SUPT20H: variants seen among roughly 807,000 people sequenced by gnomAD.
The protein encoded by SUPT20H is transcription factor SPT20 homolog.
SUPT20H carries 82 observed loss-of-function variants against 122.8 expected under a neutral mutation model. That is an observed-to-expected ratio of 0.67 (90% CI 0.56 to 0.80). The LOEUF is 0.80. SUPT20H is among the 30% of genes least tolerant of loss of function. The probability of loss-of-function intolerance (pLI) is 0.00; values close to 1 mark genes in which losing one functional copy is unlikely to be tolerated. For synonymous variants in SUPT20H, 291 were observed against 313.0 expected (o/e 0.93, Z 0.74); for missense variants, 831 against 921.6 (o/e 0.90, Z 1.27).
chr13:37,014,883 C>A (rs1566114236), intron 23 of SUPT20H, among the ~76,000 whole-genome samples: 1 of 152,192 alleles, frequency 6.6e-6, no homozygotes, highest in Non-Finnish European at 1.5e-5. Flanking sequence ...AATTCTGACA[C>A]ACACACCAGT....
At chr13:37,012,122 A>C (rs1413329495) in intron 24 of SUPT20H, 70 bp downstream of exon 24, 1 of 1,211,886 alleles carries the variant, frequency 8.3e-7, no homozygotes, top group Non-Finnish European at 1.2e-6. Flanking sequence ...AAAATAATTT[A>C]AGCGGTGAGA....
At chr13:37,017,153 A>T in intron 23 of SUPT20H, 92 bp downstream of exon 23, 1 of 1,552,684 alleles carries the variant, frequency 6.4e-7, no homozygotes, top group Admixed American at 1.7e-5. Flanking sequence ...GGAAATGTTT[A>T]CACTAACAAA....
chr13:37,041,391 G>A (rs762279644), intron 7 of SUPT20H, among the ~76,000 whole-genome samples: 4 of 151,826 alleles, frequency 2.6e-5, no homozygotes, highest in East Asian at 1.9e-4. Flanking sequence ...GGTGGCGAGC[G>A]CCTGTAGTCC....
chr13:37,022,346 A>G lies in SUPT20H; in HGVS notation c.1592-266T>C. The G allele has an allele frequency of 7.4e-7, 1 of 1,352,132 alleles. No homozygotes were observed. Among genetic ancestry groups the G allele is most frequent in the South Asian group, 2.1e-5 (1 of 48,680 alleles). 83.8% of individuals were successfully genotyped at this position (1,352,132 alleles called of 1,614,324 possible). Reference sequence around the variant, plus strand: ...CTCATTGAGAAAAATAAAAATTGCTAGTTTGTTATAAATGGCCAGTCCTTT... The same window carrying G: ...CTCATTGAGAAAAATAAAAATTGCTGGTTTGTTATAAATGGCCAGTCCTTT... On this transcript the variant is annotated intron_variant, in intron 19 of 25. Coordinates refer to ENST00000350612, the MANE Select transcript of SUPT20H (RefSeq NM_001014286.3). The surrounding 1 kb of genome is among the most constrained non-coding windows in gnomAD (Gnocchi z 4.5).
chr13:37,045,113 A>G, intron 6 of SUPT20H, 134 bp downstream of exon 6: 1 of 1,130,938 alleles, frequency 8.8e-7, no homozygotes, highest in Non-Finnish European at 1.2e-6. Context: ...ACTGGGATCA[A>G]AATCTGTTTT....
rs753560341 is a variant in SUPT20H, at chr13:37,017,274, T to C, written c.1963A>G (p.Thr655Ala). 2 of 1,613,930 alleles carry C rather than the reference T, an allele frequency of 1.2e-6. No homozygotes were observed. Among genetic ancestry groups the C allele is most frequent in the African/African-American group, 2.7e-5 (2 of 74,898 alleles). The change falls in exon 23 of 26, where the codon ACT becomes GCT. Residue 655 changes from threonine to alanine, a missense_variant. Physicochemically the swap from Thr to Ala is moderately conservative, Grantham distance 58. Transcript: ENST00000350612. ...TCCCCTGGCTGTTGAGGACTACAAG[T>C]TGTGGGCTGCTGAGGTTGTTGTGGT... Reference protein sequence around the residue: ...FTPQQPQQPTTCSPQQPGEQG... With the variant: ...FTPQQPQQPTACSPQQPGEQG...
chr13:37,051,364 C>T, intron 2 of SUPT20H, 124 bp downstream of exon 2: 1 of 921,142 alleles, frequency 1.1e-6, no homozygotes, highest in South Asian at 2.0e-5. Flanking sequence ...AAGTAATTTC[C>T]CAGTTGGGAT....
intron 19 of SUPT20H, 93 bp downstream of exon 19, chr13:37,023,942 T>G (rs887662314): frequency 8.2e-6 from 11 of 1,349,690 alleles, no homozygotes; most frequent in Admixed American, 4.8e-5. Flanking sequence ...TACATTCAGA[T>G]ATCACTACTT....
intron 12 of SUPT20H, among the ~76,000 whole-genome samples, chr13:37,031,284 T>G (rs970099332): frequency 3.9e-5 from 6 of 152,102 alleles, no homozygotes; most frequent in African/African-American, 1.2e-4. Flanking sequence ...ACTGTATTTT[T>G]CCAATTTTAA....
intron 1 of SUPT20H, among the ~76,000 whole-genome samples, chr13:37,051,928 T>G (rs981025084): frequency 7.2e-5 from 11 of 152,228 alleles, no homozygotes; most frequent in African/African-American, 2.7e-4. Context: ...TTCCTTTGAA[T>G]TATTTTAATA....
chr13:37,057,772 G>A (rs187571814), intron 1 of SUPT20H, among the ~76,000 whole-genome samples: 162 of 152,126 alleles, frequency 1.1e-3, no homozygotes, highest in Non-Finnish European at 1.9e-3. Context: ...CCTGGAGTTC[G>A]AGACCAGCCT....
At position 37,045,310 on chromosome 13, in the gene SUPT20H, C is replaced by T. The variant is rs1478388073; in HGVS notation, c.229G>A (p.Val77Met). 3 of 1,613,748 alleles carry T rather than the reference C, an allele frequency of 1.9e-6. No homozygotes were observed. Among genetic ancestry groups the T allele is most frequent in the East Asian group, 2.2e-5 (1 of 44,838 alleles). ...LVMQETLSCL[V>M]VNLYPGNEGY... ...TCATTTCCTGGGTATAGATTGACCA[C>T]TAAACATGACAAAGTCTCTTGCATA... The change falls in exon 6 of 26, where the codon GTG becomes ATG. Residue 77 changes from valine to methionine, a missense_variant. By Grantham distance (21) the Val-to-Met change is conservative (BLOSUM62 1). Transcript: ENST00000350612.
At chr13:37,039,440 T>C (rs2065073209) in intron 9 of SUPT20H, 1 of 152,090 alleles carries the variant, frequency 6.6e-6, no homozygotes, top group Admixed American at 6.5e-5. Flanking sequence ...GGAAACAGTT[T>C]TCTGGGATGC....
chr13:37,016,488 T>A (rs531851305), intron 23 of SUPT20H, among the ~76,000 whole-genome samples: 14 of 152,270 alleles, frequency 9.2e-5, no homozygotes, highest in African/African-American at 3.1e-4. Flanking sequence ...TTAATTTTTT[T>A]AAAAGAAAAT....
chr13:37,041,014 G>C (rs1427280522), intron 7 of SUPT20H, among the ~76,000 whole-genome samples: 3 of 152,160 alleles, frequency 2.0e-5, no homozygotes, highest in African/African-American at 4.8e-5. Context: ...TGGAACTGCT[G>C]TTCTTCTGCA....
intron 22 of SUPT20H, among the ~76,000 whole-genome samples, chr13:37,019,007 G>C (rs533552556): frequency 6.6e-6 from 1 of 152,134 alleles, no homozygotes; most frequent in African/African-American, 2.4e-5. Flanking sequence ...TTACATATAT[G>C]TATACATAAA....
In SUPT20H at chr13:37,033,600, A is replaced by G. The variant is rs2138189867; in HGVS notation, c.568-12T>C. 6.2e-7 allele frequency: 1 copy of G among 1,612,190 alleles called. No individual in the cohort carries two copies. The highest frequency in any genetic ancestry group is 1.1e-5 in the South Asian group (1 of 90,602). ...AAAAGTTTGTCTTCCTGAAATGTGTAAGAGCATATGTCAATACCAGATTTA... is the reference window on the plus strand; with the variant it reads ...AAAAGTTTGTCTTCCTGAAATGTGTGAGAGCATATGTCAATACCAGATTTA... On this transcript the variant is annotated splice_polypyrimidine_tract_variant and intron_variant, in intron 9 of 25. Transcript: ENST00000350612.
chr13:37,026,271 TA>T (rs2062251219), intron 15 of SUPT20H, 35 bp from the exon 16 acceptor site: 5 of 1,435,238 alleles, frequency 3.5e-6, no homozygotes, highest in Non-Finnish European at 4.6e-6. Context: ...GAGAGAAAAG[TA>T]TTAGGTAAGA....
rs2059211815 is a variant in SUPT20H, at chr13:37,009,436, ATATT to A, written c.*232_*235del. On this transcript the variant is annotated 3_prime_UTR_variant, in exon 26 of 26. Transcript: ENST00000350612. ...ATTATTTCTTAGGTCACTTCCATAT[ATATT>A]ATGTATAGTGAAACCATTTTTAAAA... The A allele has an allele frequency of 1.4e-6, 1 of 725,798 alleles. No homozygotes were observed. The highest frequency in any genetic ancestry group is 2.3e-6 in the Non-Finnish European group (1 of 437,348). 45.0% of individuals were successfully genotyped at this position (725,798 alleles called of 1,614,324 possible).
Sources: allele counts gnomAD v4.1 joint callset (sites outside exome capture counted in the v4.1 genomes callset), GRCh38; gene constraint gnomAD v4.1.1; non-coding constraint Gnocchi (gnomAD v3.1); transcripts MANE v1.5; gene names NCBI Gene and HGNC (gene_info 2026-07-23, HGNC 2026-07-21).